Variants in KRT8 observed in about 807,000 individuals in gnomAD.
The protein encoded by KRT8 is keratin 8.
In KRT8, 24 loss-of-function variants were observed where a neutral mutation model predicts 43.0. That is an observed-to-expected ratio of 0.56 (90% CI 0.40 to 0.78). The LOEUF is 0.78. Ranked by LOEUF, KRT8 falls within the 30% of genes least tolerant of loss-of-function variation. KRT8 has a pLI of 0.00. For missense variants in KRT8, 492 were observed against 638.4 expected, an observed-to-expected ratio of 0.77 and a Z score of 2.47; for synonymous variants, 214 against 261.2, an observed-to-expected ratio of 0.82 and a Z score of 1.74.
upstream of KRT8, chr12:52,906,999 C>G: frequency 3.3e-6 from 1 of 304,344 alleles, no homozygotes. Context: ...CATACACACA[C>G]ACACACACAC....
intron 2 of KRT8, among the ~76,000 whole-genome samples, chr12:52,928,569 C>T (rs1487424070): frequency 6.6e-6 from 1 of 152,192 alleles, no homozygotes; most frequent in South Asian, 2.1e-4. Context: ...TTTTATTCCC[C>T]TCTACTTGTA....
At chr12:52,930,055 C>G (rs1942059046) in intron 2 of KRT8, among the ~76,000 whole-genome samples, 1 of 152,206 alleles carries the variant, frequency 6.6e-6, no homozygotes, top group Non-Finnish European at 1.5e-5. Flanking sequence ...GAGGATGGCA[C>G]TAGAACCTCT....
chr12:52,917,592 C>T (rs1941766522), intron 2 of KRT8, among the ~76,000 whole-genome samples: 1 of 151,638 alleles, frequency 6.6e-6, no homozygotes, highest in Admixed American at 6.6e-5. Flanking sequence ...GCCTGTAATC[C>T]CAGCTACTTG....
chr12:52,949,438 G>C, intron 2 of KRT8: 1 of 1,613,060 alleles, frequency 6.2e-7, no homozygotes, highest in East Asian at 2.2e-5. Context: ...AAGCCTGAAC[G>C]ACCGCCTGGC....
intron 2 of KRT8, among the ~76,000 whole-genome samples, chr12:52,915,887 C>G (rs1338004335): frequency 6.6e-6 from 1 of 152,118 alleles, no homozygotes; most frequent in Non-Finnish European, 1.5e-5. Flanking sequence ...CAAATACTAC[C>G]TGGCCAAAGT....
intron 2 of KRT8, among the ~76,000 whole-genome samples, chr12:52,913,885 T>C (rs942747083): frequency 1.3e-5 from 2 of 152,234 alleles, no homozygotes; most frequent in African/African-American, 2.4e-5. Flanking sequence ...TTTTCTTTTA[T>C]ACAGACAGAG....
chr12:52,918,756 C>T (rs1332841926), intron 2 of KRT8, among the ~76,000 whole-genome samples: 1 of 152,170 alleles, frequency 6.6e-6, no homozygotes, highest in African/African-American at 2.4e-5. Flanking sequence ...ACCAACCCTC[C>T]CTGCTTGTCC....
intron 2 of KRT8, among the ~76,000 whole-genome samples, chr12:52,915,399 A>G (rs940252234): frequency 2.0e-4 from 31 of 151,224 alleles, no homozygotes; most frequent in African/African-American, 6.8e-4. Flanking sequence ...GTGATTCACC[A>G]AAAGACCAGG....
chr12:52,940,903 G>A (rs1313980507), intron 2 of KRT8, among the ~76,000 whole-genome samples: 2 of 151,990 alleles, frequency 1.3e-5, no homozygotes, highest in Non-Finnish European at 2.9e-5. Context: ...TGGGATTACA[G>A]GTGTGAGCCA....
At chr12:52,948,066 T>A (rs1390861326) in intron 2 of KRT8, 1 of 152,198 alleles carries the variant, frequency 6.6e-6, no homozygotes, top group Non-Finnish European at 1.5e-5. Context: ...ATCACAGTGT[T>A]CCACTGAGGC....
intron 2 of KRT8, among the ~76,000 whole-genome samples, chr12:52,935,314 G>T (rs1243845397): frequency 7.0e-6 from 1 of 141,946 alleles, no homozygotes; most frequent in Non-Finnish European, 1.5e-5. Flanking sequence ...AGGAGGCATA[G>T]GTTGCAATGA....
exon 5 of KRT8, chr12:52,899,866 C>G (rs1941319965): frequency 6.2e-7 from 1 of 1,612,334 alleles, no homozygotes; most frequent in Non-Finnish European, 8.5e-7. Flanking sequence ...CAGGTCATCC[C>G]CGTGCTTCCC....
intron 2 of KRT8, among the ~76,000 whole-genome samples, chr12:52,918,036 G>GAGA (rs71092792): frequency 0.43 from 48,504 of 112,912 alleles, 12,509 homozygotes; most frequent in Non-Finnish European, 0.52. Context: ...AGAGGAGGAG[G>GAGA]AGAAGAAGAA....
chr12:52,918,563 CA>C (rs1188639117), intron 2 of KRT8, among the ~76,000 whole-genome samples: 4 of 152,172 alleles, frequency 2.6e-5, no homozygotes, highest in Non-Finnish European at 5.9e-5. Context: ...CATGTGTGAC[CA>C]AAACCCAAAG....
At chr12:52,897,641 A>T (rs1941248079) in intron 7 of KRT8, 23 bp from the exon 8 acceptor site, 2 of 1,597,838 alleles carry the variant, frequency 1.3e-6, no homozygotes, top group Non-Finnish European at 1.7e-6. Context: ...AGAGGTAGCC[A>T]CATGAGTACA....
At chr12:52,923,889 G>A (rs950112868) in intron 2 of KRT8, among the ~76,000 whole-genome samples, 1 of 151,374 alleles carries the variant, frequency 6.6e-6, no homozygotes, top group Non-Finnish European at 1.5e-5. Context: ...CTCTCGCCCA[G>A]GCTGGAGTGC....
At chr12:52,936,193 G>A (rs945979082) in intron 2 of KRT8, among the ~76,000 whole-genome samples, 6 of 151,996 alleles carry the variant, frequency 3.9e-5, no homozygotes, top group East Asian at 1.9e-4. Flanking sequence ...CACAGGTTGC[G>A]GTGAGCTGAG....
At chr12:52,918,256 G>GAAGAAGAAGAAGAAGAAGAAGAAA (rs1363578951) in intron 2 of KRT8, among the ~76,000 whole-genome samples, 3 of 150,150 alleles carry the variant, frequency 2.0e-5, no homozygotes, top group Non-Finnish European at 4.5e-5. Context: ...AGAAGAAGAA[G>GAAGAAGAAGAAGAAGAAGAAGAAA]AAACAAAACA....
intron 2 of KRT8, among the ~76,000 whole-genome samples, chr12:52,935,001 A>G (rs1942143518): frequency 6.6e-6 from 1 of 151,952 alleles, no homozygotes. Context: ...TCTATGGAAC[A>G]TAATAGAGTC....
Sources: allele counts gnomAD v4.1 joint callset (sites outside exome capture counted in the v4.1 genomes callset), GRCh38; gene constraint gnomAD v4.1.1; transcripts MANE v1.5; gene names NCBI Gene and HGNC (gene_info 2026-07-23, HGNC 2026-07-21).